RANBP2: variants seen among roughly 807,000 people sequenced by gnomAD.
RANBP2 encodes the protein E3 SUMO-protein ligase RanBP2.
In RANBP2, 57 loss-of-function variants were observed where a neutral mutation model predicts 303.6. The observed-to-expected ratio is 0.19, with a 90% CI of 0.15 to 0.23. The LOEUF (loss-of-function observed/expected upper bound fraction) is 0.23, where lower values mean the gene tolerates loss of function less well. RANBP2 is among the 10% of genes least tolerant of loss of function. RANBP2 has a pLI of 1.00. For missense variants in RANBP2, 3,138 were observed against 3,780.8 expected, an observed-to-expected ratio of 0.83 and a Z score of 4.46; for synonymous variants, 1,167 against 1,301.5, an observed-to-expected ratio of 0.90 and a Z score of 2.23.
chr2:109,445,875 C>T, the RANBP2 span, among the ~76,000 whole-genome samples: 2 of 152,090 alleles, frequency 1.3e-5, no homozygotes, highest in African/African-American at 2.4e-5. Context: ...ATTCCCCTAT[C>T]ATTTATAAAG....
the RANBP2 span, among the ~76,000 whole-genome samples, chr2:109,092,254 G>A: frequency 5.9e-5 from 9 of 152,160 alleles, no homozygotes; most frequent in South Asian, 4.2e-4. Flanking sequence ...TTTGGTAAGC[G>A]CAACAGGCCT....
chr2:108,913,276 CAT>C, the RANBP2 span, among the ~76,000 whole-genome samples: 11 of 152,124 alleles, frequency 7.2e-5, no homozygotes, highest in Admixed American at 2.6e-4. Context: ...TGAAAACACT[CAT>C]GTGATAAGTC....
At chr2:109,098,051 AG>A in the RANBP2 span, among the ~76,000 whole-genome samples, 68 of 152,276 alleles carry the variant, frequency 4.5e-4, no homozygotes, top group African/African-American at 1.6e-3. Context: ...GGAGCAGGGC[AG>A]GTTCTGGGCA....
chr2:109,708,543 G>C, the RANBP2 span, among the ~76,000 whole-genome samples: 1 of 152,138 alleles, frequency 6.6e-6, no homozygotes, highest in Non-Finnish European at 1.5e-5. Flanking sequence ...TGTAGTTCCA[G>C]CTACTTGGGA....
chr2:108,956,278 T>C, the RANBP2 span, among the ~76,000 whole-genome samples: 1 of 152,220 alleles, frequency 6.6e-6, no homozygotes, highest in Non-Finnish European at 1.5e-5. Flanking sequence ...TGGCTGGAGA[T>C]ACCCTTTTTA....
chr2:109,222,543 G>A, the RANBP2 span, among the ~76,000 whole-genome samples: 1 of 152,194 alleles, frequency 6.6e-6, no homozygotes, highest in Non-Finnish European at 1.5e-5. Context: ...TGTTGGAGGG[G>A]CAAGGGTGAG....
At chr2:108,782,902 A>C in intron 28 of RANBP2, 40 bp downstream of exon 28, 5 of 1,511,808 alleles carry the variant, frequency 3.3e-6, no homozygotes, top group Non-Finnish European at 4.6e-6. Context: ...GAGGTCTTGA[A>C]GAGTGCACCA....
chr2:108,766,236 A>G lies in RANBP2; in HGVS notation c.5697A>G (p.Lys1899=). The G allele has an allele frequency of 6.2e-7, 1 of 1,612,210 alleles. No homozygotes were observed. ...FSIPVSADGF[K]FGISEPGNQE... ...TCCCTGTGTCTGCTGATGGATTTAA[A>G]TTTGGCATTTCGGAACCAGGAAATC... The change falls in exon 20 of 29, where the codon AAA becomes AAG. Residue 1899 remains lysine, a synonymous_variant. Transcript: ENST00000283195.
At chr2:109,503,237 C>T in the RANBP2 span, 3 of 152,212 alleles carry the variant, frequency 2.0e-5, no homozygotes, top group African/African-American at 7.2e-5. Context: ...ACCATTCAGA[C>T]TTAAATTAAG....
chr2:109,682,472 C>A, the RANBP2 span, among the ~76,000 whole-genome samples: 1 of 152,174 alleles, frequency 6.6e-6, no homozygotes, highest in Non-Finnish European at 1.5e-5. Flanking sequence ...TGAAGGGCCA[C>A]AGGGAACTTC....
the RANBP2 span, among the ~76,000 whole-genome samples, chr2:109,531,308 C>T: frequency 1.3e-5 from 2 of 152,204 alleles, no homozygotes. Context: ...GATGTCAGAC[C>T]TTGCAGGGCT....
At chr2:108,890,735 A>G in the RANBP2 span, among the ~76,000 whole-genome samples, 1 of 152,124 alleles carries the variant, frequency 6.6e-6, no homozygotes, top group Non-Finnish European at 1.5e-5. Flanking sequence ...GTTTTCATCT[A>G]TTATTTTATT....
the RANBP2 span, among the ~76,000 whole-genome samples, chr2:109,319,852 T>G: frequency 6.6e-6 from 1 of 152,074 alleles, no homozygotes; most frequent in East Asian, 1.9e-4. Flanking sequence ...AGAGAGCCAG[T>G]AGGAGTATCA....
chr2:109,621,639 T>C, the RANBP2 span, among the ~76,000 whole-genome samples: 2 of 151,998 alleles, frequency 1.3e-5, no homozygotes, highest in Admixed American at 1.3e-4. Flanking sequence ...GATGGCCAGG[T>C]GCGGTGGCCT....
the RANBP2 span, among the ~76,000 whole-genome samples, chr2:109,304,261 C>G: frequency 6.6e-6 from 1 of 152,118 alleles, no homozygotes; most frequent in Admixed American, 6.6e-5. Context: ...CCAACCCCAG[C>G]CCCTGGTAAC....
At chr2:108,976,347 C>T in the RANBP2 span, among the ~76,000 whole-genome samples, 1 of 152,280 alleles carries the variant, frequency 6.6e-6, no homozygotes, top group African/African-American at 2.4e-5. Flanking sequence ...GAGAGGAAGA[C>T]CACAGAGGCA....
chr2:109,180,972 G>A, the RANBP2 span, among the ~76,000 whole-genome samples: 3 of 152,198 alleles, frequency 2.0e-5, no homozygotes, highest in Non-Finnish European at 4.4e-5. Context: ...CCTGATGCAA[G>A]CTTCCTCAGA....
chr2:109,493,377 AAC>A, the RANBP2 span, among the ~76,000 whole-genome samples: 4 of 150,456 alleles, frequency 2.7e-5, no homozygotes, highest in African/African-American at 9.8e-5. Context: ...ACACACTGCA[AAC>A]ACACATGGTA....
At chr2:109,158,407 C>G in the RANBP2 span, among the ~76,000 whole-genome samples, 2 of 152,144 alleles carry the variant, frequency 1.3e-5, no homozygotes, top group Non-Finnish European at 2.9e-5. Flanking sequence ...GCATGGCTTG[C>G]CTTCGTGGGT....
Sources: allele counts gnomAD v4.1 joint callset (sites outside exome capture counted in the v4.1 genomes callset), GRCh38; gene constraint gnomAD v4.1.1; transcripts MANE v1.5; gene names NCBI Gene and HGNC (gene_info 2026-07-23, HGNC 2026-07-21).